Variants in NLN observed in about 807,000 individuals in gnomAD.
The protein encoded by NLN is neurolysin, mitochondrial.
In NLN, 64 loss-of-function variants were observed where a neutral mutation model predicts 79.9. The ratio of observed to expected loss-of-function variants is 0.80; its 90% confidence interval spans 0.65 to 0.99. The LOEUF is 0.99. Ranked by LOEUF, NLN falls within the 50% of genes least tolerant of loss-of-function variation. The probability of loss-of-function intolerance (pLI) is 0.00; values close to 1 mark genes in which losing one functional copy is unlikely to be tolerated. For missense variants in NLN, 835 were observed against 858.7 expected (o/e 0.97, Z 0.34); for synonymous variants, 267 against 296.6 (o/e 0.90, Z 1.02).
At chr5:65,792,902 A>G (rs1254347869) in intron 9 of NLN, 1 of 533,904 alleles carries the variant, frequency 1.9e-6, no homozygotes, top group South Asian at 1.6e-5. Context: ...GAATAAGACT[A>G]TCTGTAAGGA....
intron 1 of NLN, among the ~76,000 whole-genome samples, chr5:65,740,225 A>C (rs565207140): frequency 6.6e-6 from 1 of 152,318 alleles, no homozygotes; most frequent in South Asian, 2.1e-4. Flanking sequence ...GGTCTTCTGC[A>C]TCTGGTGAGG....
chr5:65,759,092 C>G (rs2150746292), intron 2 of NLN, among the ~76,000 whole-genome samples: 1 of 152,242 alleles, frequency 6.6e-6, no homozygotes, highest in Non-Finnish European at 1.5e-5. Flanking sequence ...TAATTCCACA[C>G]CTAGACATTT....
At position 65,780,275 on chromosome 5, in the gene NLN, G is replaced by C; in HGVS notation, c.655G>C (p.Glu219Gln). 1 of 1,335,250 alleles carries C rather than the reference G, an allele frequency of 7.5e-7. No homozygotes were observed. Among genetic ancestry groups the C allele is most frequent in the Non-Finnish European group, 1.0e-6 (1 of 952,864 alleles). The allele number at this position is 1,335,250 out of a possible 1,614,324, so 82.7% of individuals were successfully genotyped here. Reference protein sequence around the residue: ...DDTFLVFSKAELGALPDDFID... With the variant: ...DDTFLVFSKAQLGALPDDFID... ...TACCTTCCTTGTATTTTCCAAGGCT[G>C]AACTTGGTAAGTTTTATTATTTTTC... Residue 219 changes from glutamate (E) to glutamine (Q), a missense_variant, in exon 5 of 13, where the codon GAA (glutamate) becomes CAA (glutamine). Physicochemically the swap from Glu to Gln is conservative, Grantham distance 29. Coordinates refer to ENST00000380985, the MANE Select transcript of NLN (RefSeq NM_020726.5).
chr5:65,810,779 A>C (rs1268951326), intron 11 of NLN, among the ~76,000 whole-genome samples: 1 of 152,090 alleles, frequency 6.6e-6, no homozygotes, highest in Non-Finnish European at 1.5e-5. Flanking sequence ...CGGGAGTTCG[A>C]GACCAGCCTA....
chr5:65,758,713 A>C lies in NLN; in HGVS notation c.188A>C (p.Glu63Ala), dbSNP rs1293463521. 6.2e-7 allele frequency: 1 copy of C among 1,613,756 alleles called. No individual in the cohort carries two copies. The highest frequency in any genetic ancestry group is 1.7e-5 in the Admixed American group (1 of 59,948). The change falls in exon 2 of 13, where the codon GAG (glutamate) becomes GCG (alanine). Residue 63 changes from glutamate (E) to alanine (A), a missense_variant. Physicochemically the swap from Glu to Ala is moderately radical, Grantham distance 107 (BLOSUM62 -1). Coordinates refer to ENST00000380985, the MANE Select transcript of NLN (RefSeq NM_020726.5). ...GAGCAAATTAAAACAAGAACTGAGG[A>C]GCTCATTGTGCAGACCAAACAGGTG... ...SPEQIKTRTE[E>A]LIVQTKQVYD...
chr5:65,761,877 A>G (rs571662653), intron 2 of NLN, among the ~76,000 whole-genome samples: 1 of 152,300 alleles, frequency 6.6e-6, no homozygotes, highest in Non-Finnish European at 1.5e-5. Flanking sequence ...TGTATAAAGG[A>G]TAGCTCTACT....
intron 1 of NLN, among the ~76,000 whole-genome samples, chr5:65,747,363 G>C (rs982337539): frequency 1.1e-4 from 16 of 152,260 alleles, no homozygotes; most frequent in African/African-American, 3.9e-4. Context: ...CAAATCAGAG[G>C]CCATGATATA....
Position 65,802,021 on chromosome 5 carries a change from A to C in NLN, c.1528-7494A>C, listed in dbSNP as rs552025250. ...TGTGATTTGGCCTTTATTTGCTGTTAGTACCTATTTAAAAACCATCACCTT... is the reference window on the plus strand; with the variant it reads ...TGTGATTTGGCCTTTATTTGCTGTTCGTACCTATTTAAAAACCATCACCTT... On this transcript the variant is annotated intron_variant, in intron 9 of 12. Coordinates refer to ENST00000380985, the MANE Select transcript of NLN (RefSeq NM_020726.5). Among the ~76,000 whole-genome samples, 39 of 152,320 alleles carry C rather than the reference A, an allele frequency of 2.6e-4. 1 individual carries two copies. The South Asian group carries it at 7.0e-3, about 27-fold the overall frequency.
At position 65,822,843 on chromosome 5, in the gene NLN, G is replaced by A; in HGVS notation, c.2043G>A (p.Met681Ile). The A allele has an allele frequency of 6.2e-7, 1 of 1,611,840 alleles. No homozygotes were observed. Among genetic ancestry groups the A allele is most frequent in the South Asian group, 1.1e-5 (1 of 91,022 alleles). The change falls in exon 13 of 13, where the codon ATG becomes ATA. Residue 681 changes from methionine (M) to isoleucine (I), a missense_variant. Coordinates refer to ENST00000380985, the MANE Select transcript of NLN (RefSeq NM_020726.5). Reference sequence around the variant, plus strand: ...GGGGATCTCTGGACGGCATGGACATGCTCCACAATTTCTTGAAACGTGAGC... The same window carrying A: ...GGGGATCTCTGGACGGCATGGACATACTCCACAATTTCTTGAAACGTGAGC... ...KPGGSLDGMD[M>I]LHNFLKREPN...
intron 3 of NLN, among the ~76,000 whole-genome samples, chr5:65,774,883 C>A (rs929747321): frequency 6.6e-6 from 1 of 151,890 alleles, no homozygotes; most frequent in Non-Finnish European, 1.5e-5. Flanking sequence ...TGCCACCACA[C>A]CCGGCTGATT....
chr5:65,809,538 A>G lies in NLN; in HGVS notation c.1551A>G (p.Gly517=), dbSNP rs781482357. The change falls in exon 10 of 13, where the codon GGA becomes GGG. Residue 517 remains glycine (G), a synonymous_variant. Coordinates refer to ENST00000380985, the MANE Select transcript of NLN (RefSeq NM_020726.5). The stretch of plus-strand genomic sequence containing the variant: ...AGACTGATTTTGCACGATTTAGCGG[A>G]ACAAATGTGGAAACTGACTTTGTAG... ...CAQTDFARFS[G]TNVETDFVEV... 2.2e-5 allele frequency: 36 copies of G among 1,604,726 alleles called. No homozygotes were observed. The South Asian group carries it at 3.6e-4, about 16-fold the overall frequency.
intron 4 of NLN, 120 bp from the exon 5 acceptor site, chr5:65,780,059 C>G: frequency 1.7e-6 from 1 of 585,594 alleles, no homozygotes; most frequent in Non-Finnish European, 3.0e-6. Flanking sequence ...CTCTTGACCT[C>G]AAATGATCCA....
At chr5:65,726,237 A>C (rs1333794420) in intron 1 of NLN, among the ~76,000 whole-genome samples, 1 of 152,230 alleles carries the variant, frequency 6.6e-6, no homozygotes, top group Non-Finnish European at 1.5e-5. Flanking sequence ...ACTCAGGTAC[A>C]CAGCAGAAAT....
In NLN at chr5:65,802,606, G is replaced by A. The variant is rs559577192; in HGVS notation, c.1528-6909G>A. Among the ~76,000 whole-genome samples the A allele has an allele frequency of 5.6e-4, 85 of 152,298 alleles. No homozygotes were observed. The South Asian group carries it at 0.014, about 25-fold the overall frequency. On this transcript the variant is annotated intron_variant, in intron 9 of 12. Transcript: ENST00000380985. ...TATAGCCCTTTAGGCCCCACCATTC[G>A]GCAGGTCCCGAGTTCCTGTCCCGTG...
intron 1 of NLN, among the ~76,000 whole-genome samples, chr5:65,749,376 A>T (rs987445220): frequency 3.3e-5 from 5 of 152,194 alleles, no homozygotes; most frequent in Admixed American, 2.6e-4. Flanking sequence ...CCCTTTGAGG[A>T]TCAAGGAGAG....
At chr5:65,727,503 G>C (rs897284180) in intron 1 of NLN, among the ~76,000 whole-genome samples, 5 of 151,540 alleles carry the variant, frequency 3.3e-5, no homozygotes, top group African/African-American at 4.9e-5. Flanking sequence ...AAAAGGACTA[G>C]ACTAAATAAT....
rs11959402 is a variant in NLN at position 65,790,806 on chromosome 5, G to A, written c.1326-1648G>A. ...AAAGTATCAGGATATAGTTTTAACC[G>A]AAGAACTCTTTCAGGAGTAATCCTT... is the stretch of plus-strand genomic sequence containing the variant. On this transcript the variant is annotated intron_variant, in intron 8 of 12. Coordinates refer to ENST00000380985, the MANE Select transcript of NLN (RefSeq NM_020726.5). 6.9e-3 allele frequency among the ~76,000 whole-genome samples: 1,052 copies of A among 152,272 alleles called. 6 individuals are homozygous for A. The highest frequency in any genetic ancestry group is 0.011 in the Non-Finnish European group (736 of 68,024).
In NLN at chr5:65,744,634, C is replaced by T. The variant is rs529036951; in HGVS notation, c.42-13933C>T. 6.6e-5 allele frequency among the ~76,000 whole-genome samples: 10 copies of T among 152,302 alleles called. No homozygotes were observed. The East Asian group carries it at 1.5e-3, about 24-fold the overall frequency. On this transcript the variant is annotated intron_variant, in intron 1 of 12. Coordinates refer to ENST00000380985, the MANE Select transcript of NLN (RefSeq NM_020726.5). ...TCAGCTGAGGCTGGGCACAGTGGCT[C>T]ATGCCTGTAATCCCAGCACTTTGGG...
chr5:65,753,705 C>T (rs759697992), intron 1 of NLN, among the ~76,000 whole-genome samples: 19 of 150,674 alleles, frequency 1.3e-4, no homozygotes, highest in Non-Finnish European at 2.7e-4. Flanking sequence ...TGTCTATAGT[C>T]ATTGGTTTAT....
Sources: gnomAD v4.1 joint callset for allele counts (sites outside exome capture counted in the v4.1 genomes callset) on GRCh38, gnomAD v4.1.1 for gene constraint, MANE v1.5 for transcripts, NCBI Gene and HGNC (gene_info 2026-07-23, HGNC 2026-07-21) for gene names.